MYPOP: variants seen among roughly 807,000 people sequenced by gnomAD.
The protein encoded by MYPOP is Myb related transcription factor, partner of profilin.
MYPOP carries 21 observed loss-of-function variants against 25.7 expected under a neutral mutation model. The ratio of observed to expected loss-of-function variants is 0.82; its 90% CI spans 0.58 to 1.18. The LOEUF (loss-of-function observed/expected upper bound fraction) is 1.18. MYPOP is among the 50% of genes most tolerant of loss of function. The pLI is 0.00. For synonymous variants in MYPOP, 280 were observed against 247.9 expected, an observed-to-expected ratio of 1.13 and a Z score of -1.22; for missense variants, 566 against 588.3, an observed-to-expected ratio of 0.96 and a Z score of 0.39.
At position 45,901,825 on chromosome 19, in the gene MYPOP, G is replaced by T; in HGVS notation, c.-52C>A. ...CGTCTGGCGCATGGGGGGCGCCGGC[G>T]CTGCGGGCAAAGGGCGCACGGGGCT... On this transcript the variant is annotated splice_region_variant and 5_prime_UTR_variant, in exon 2 of 3. Transcript: ENST00000322217. The surrounding 1 kb of genome is among the most constrained non-coding windows in gnomAD (Gnocchi z 5.7). 7.5e-7 allele frequency: 1 copy of T among 1,330,238 alleles called. No individual in the cohort carries two copies. The highest frequency in any genetic ancestry group is 9.6e-7 in the Non-Finnish European group (1 of 1,039,990). The allele number at this position is 1,330,238 out of a possible 1,614,324, so 82.4% of individuals were successfully genotyped here.
At chr19:45,896,304 A>G (rs1272422401) in intron 2 of MYPOP, among the ~76,000 whole-genome samples, 1 of 152,140 alleles carries the variant, frequency 6.6e-6, no homozygotes, top group African/African-American at 2.4e-5. Flanking sequence ...CAAACAAGCA[A>G]GCAAACAAAT....
chr19:45,890,578 C>G lies in MYPOP; in HGVS notation c.*45G>C. 6.2e-7 allele frequency: 1 copy of G among 1,601,902 alleles called. No individual in the cohort carries two copies. Among genetic ancestry groups the G allele is most frequent in the Non-Finnish European group, 8.5e-7 (1 of 1,173,170 alleles). ...AGAGCATCGCCCCCCTCGACTGCGC[C>G]AAGCTGGGGAGAGGGGTTGCAGGCA... On this transcript the variant is annotated 3_prime_UTR_variant, in exon 3 of 3. Transcript: ENST00000322217.
At chr19:45,899,357 T>C (rs745984221) in intron 2 of MYPOP, among the ~76,000 whole-genome samples, 4 of 152,182 alleles carry the variant, frequency 2.6e-5, no homozygotes, top group Non-Finnish European at 4.4e-5. Flanking sequence ...TCAATATATA[T>C]TTGCTAAACG....
At chr19:45,900,116 A>G (rs11672020) in intron 2 of MYPOP, among the ~76,000 whole-genome samples, 48,370 of 151,986 alleles carry the variant, frequency 0.32, 9,012 homozygotes, top group Non-Finnish European at 0.4. Context: ...TTGTTTGATC[A>G]TGCCCATGTT....
At position 45,890,723 on chromosome 19, in the gene MYPOP, C is replaced by CGGGGGGGGGGGGGGCG; in HGVS notation, c.1099_1100insCGCCCCCCCCCCCCCC (p.Arg367ProfsTer88). The CGGGGGGGGGGGGGGCG allele has an allele frequency of 8.4e-7, 1 of 1,193,554 alleles. No homozygotes were observed. Among genetic ancestry groups the CGGGGGGGGGGGGGGCG allele is most frequent in the African/African-American group, 1.6e-5 (1 of 63,528 alleles). 73.9% of individuals were successfully genotyped at this position (1,193,554 alleles called of 1,614,324 possible). On this transcript the variant is annotated frameshift_variant, in exon 3 of 3. Transcript: ENST00000322217. LOFTEE classifies it high-confidence loss of function. Reference sequence around the variant, plus strand: ...CGGAGGGAGCGGGGCTGGGGGGGGCCGGGGTGCCCCCTCCTCGCTCCTTGG... The same window carrying CGGGGGGGGGGGGGGCG: ...CGGAGGGAGCGGGGCTGGGGGGGGCCGGGGGGGGGGGGGGCGGGGGTGCCCCCTCCTCGCTCCTTGG...
chr19:45,891,110 G>C lies in MYPOP; in HGVS notation c.713C>G (p.Pro238Arg). Residue 238 changes from proline to arginine, a missense_variant, in exon 3 of 3, where the codon CCC (proline) becomes CGC (arginine). Pro to Arg is a moderately radical substitution (Grantham distance 103, BLOSUM62 -2). Coordinates refer to ENST00000322217, the MANE Select transcript of MYPOP (RefSeq NM_001012643.4). ...AGGGGGTGGGGGGCTAGGGGGTGAG[G>C]GTGCCACTTGGGCCAGTGGCGGTGG... ...PPPPPLAQVAPSPPSPPPPPR... is the reference protein window; with the variant it reads ...PPPPPLAQVARSPPSPPPPPR... 1 of 1,447,594 alleles carries C rather than the reference G, an allele frequency of 6.9e-7. No homozygotes were observed. Among genetic ancestry groups the C allele is most frequent in the Non-Finnish European group, 9.2e-7 (1 of 1,091,198 alleles). The allele number at this position is 1,447,594 out of a possible 1,614,324, so 89.7% of individuals were successfully genotyped here. A position where few individuals can be genotyped will look rare whatever the true frequency, so the allele number is the denominator to read the frequency against.
In MYPOP at chr19:45,891,315, C is replaced by T. The variant is rs768754176; in HGVS notation, c.508G>A (p.Ala170Thr). 7.9e-6 allele frequency: 12 copies of T among 1,515,414 alleles called. No homozygotes were observed. In the South Asian group the frequency reaches 1.3e-4, roughly 16 times the overall value. The allele number at this position is 1,515,414 out of a possible 1,614,324, so 93.9% of individuals were successfully genotyped here. Residue 170 changes from alanine to threonine, a missense_variant, in exon 3 of 3, where the codon GCC (alanine) becomes ACC (threonine). Coordinates refer to ENST00000322217, the MANE Select transcript of MYPOP (RefSeq NM_001012643.4). The stretch of plus-strand genomic sequence containing the variant: ...CTGCTGGAGCCCGCCTTGCTGTGGG[C>T]TGATGTATCTGTAGAGAGAGAAATA... Reference protein sequence around the residue: ...RREDRRADTSAHSKAGSSSPE... With the variant: ...RREDRRADTSTHSKAGSSSPE...
At chr19:45,895,712 C>A (rs1967193786) in intron 2 of MYPOP, among the ~76,000 whole-genome samples, 1 of 152,138 alleles carries the variant, frequency 6.6e-6, no homozygotes, top group African/African-American at 2.4e-5. Context: ...CTGATTGGGT[C>A]CCAGGCCCCA....
chr19:45,890,712 C>CGGGGGG lies in MYPOP; in HGVS notation c.1110_1111insCCCCCC (p.Pro369_Pro370dup). 6 of 413,584 alleles carry CGGGGGG rather than the reference C, an allele frequency of 1.5e-5. No individual in the cohort carries two copies. The highest frequency in any genetic ancestry group is 2.2e-5 in the Non-Finnish European group (5 of 228,686). 25.6% of individuals were successfully genotyped at this position (413,584 alleles called of 1,614,324 possible). On this transcript the variant is annotated inframe_insertion, in exon 3 of 3. Transcript: ENST00000322217. ...GGGGAGTCGTGCGGAGGGAGCGGGGCTGGGGGGGGCCGGGGTGCCCCCTCC... is the reference window on the plus strand; with the variant it reads ...GGGGAGTCGTGCGGAGGGAGCGGGGCGGGGGGTGGGGGGGGCCGGGGTGCCCCCTCC...
At chr19:45,896,194 G>A (rs934585954) in intron 2 of MYPOP, among the ~76,000 whole-genome samples, 2 of 152,166 alleles carry the variant, frequency 1.3e-5, no homozygotes, top group South Asian at 2.1e-4. Flanking sequence ...GGGAGGCTGA[G>A]GCACAAGAAT....
rs1201092999 is a variant in MYPOP, at chr19:45,891,020, T to G, written c.803A>C (p.Glu268Ala). 1 of 1,524,032 alleles carries G rather than the reference T, an allele frequency of 6.6e-7. No individual in the cohort carries two copies. Among genetic ancestry groups the G allele is most frequent in the Admixed American group, 2.0e-5 (1 of 49,498 alleles). 94.4% of individuals were successfully genotyped at this position (1,524,032 alleles called of 1,614,324 possible). ...CAGCTCCCGGATGGCGTTGGCAGTC[T>G]CCTGCTGGGCCCGCAGGAAGTCCAG... ...PSLDFLRAQQ[E>A]TANAIRELAG... Residue 268 changes from glutamate (E) to alanine (A), a missense_variant, in exon 3 of 3, where the codon GAG becomes GCG. Coordinates refer to ENST00000322217, the MANE Select transcript of MYPOP (RefSeq NM_001012643.4).
Position 45,901,718 on chromosome 19 carries a change from C to A in MYPOP, c.56G>T (p.Arg19Leu). ...AEETTRLRKP[R>L]FSFEENQILI... is the part of the protein sequence containing the mutation. ...GATCTGGTTCTCTTCGAATGAGAAG[C>A]GCGGCTTGCGCAACCGGGTGGTTTC... Residue 19 changes from arginine to leucine, a missense_variant, in exon 2 of 3, where the codon CGC (arginine) becomes CTC (leucine). Arg to Leu is a moderately radical substitution (Grantham distance 102). Transcript: ENST00000322217. The surrounding 1 kb of genome is among the most constrained non-coding windows in gnomAD (Gnocchi z 5.7). 2 of 1,569,738 alleles carry A rather than the reference C, an allele frequency of 1.3e-6. No individual in the cohort carries two copies. The highest frequency in any genetic ancestry group is 1.7e-6 in the Non-Finnish European group (2 of 1,161,414).
intron 2 of MYPOP, among the ~76,000 whole-genome samples, chr19:45,891,957 T>C (rs894094856): frequency 2.0e-5 from 3 of 152,124 alleles, no homozygotes; most frequent in African/African-American, 7.2e-5. Flanking sequence ...TCTCACTTTG[T>C]AGCCTAGGCT....
At chr19:45,897,582 G>T (rs1435023053) in intron 2 of MYPOP, among the ~76,000 whole-genome samples, 3 of 152,184 alleles carry the variant, frequency 2.0e-5, no homozygotes, top group South Asian at 2.1e-4. Flanking sequence ...TTGAGGAAGG[G>T]TCTCACTGTG....
Position 45,890,912 on chromosome 19 carries a change from T to C in MYPOP, c.911A>G (p.Asp304Gly), listed in dbSNP as rs1488687535. The stretch of plus-strand genomic sequence containing the variant: ...TGGGGGCAGAGGTGGAGGCAGGGAG[T>C]CAACTGGGGTTCCTGGCAGAAGGGG... ...LLPLLPGTPVDSLPPPLPPPP... is the reference protein window; with the variant it reads ...LLPLLPGTPVGSLPPPLPPPP... Residue 304 changes from aspartate (D) to glycine (G), a missense_variant, in exon 3 of 3, where the codon GAC (aspartate) becomes GGC (glycine). Physicochemically the swap from Asp to Gly is moderately conservative, Grantham distance 94. Coordinates refer to ENST00000322217, the MANE Select transcript of MYPOP (RefSeq NM_001012643.4). 1.7e-5 allele frequency: 24 copies of C among 1,417,198 alleles called. No homozygotes were observed. The highest frequency in any genetic ancestry group is 2.1e-5 in the Non-Finnish European group (23 of 1,088,446). 87.8% of individuals were successfully genotyped at this position (1,417,198 alleles called of 1,614,324 possible). A position where few individuals can be genotyped will look rare whatever the true frequency, so the allele number is the denominator to read the frequency against.
chr19:45,896,766 C>T (rs1458439592), intron 2 of MYPOP, among the ~76,000 whole-genome samples: 1 of 151,194 alleles, frequency 6.6e-6, no homozygotes, highest in African/African-American at 2.4e-5. Context: ...GCTGGGACTA[C>T]AGGCGCCCGC....
chr19:45,890,354 G>A lies in MYPOP; in HGVS notation c.*269C>T, dbSNP rs757191118. 2.7e-5 allele frequency: 11 copies of A among 408,832 alleles called. No individual in the cohort carries two copies. Among genetic ancestry groups the A allele is most frequent in the Non-Finnish European group, 4.8e-5 (11 of 230,854 alleles). The allele number at this position is 408,832 out of a possible 1,614,324, so 25.3% of individuals were successfully genotyped here. A position where few individuals can be genotyped will look rare whatever the true frequency, so the allele number is the denominator to read the frequency against. ...AGGTTCCCTCCCCACCCCACATAGG[G>A]CAATAATAAATAACATGAAATTGAT... On this transcript the variant is annotated 3_prime_UTR_variant, in exon 3 of 3. Transcript: ENST00000322217.
At chr19:45,893,563 C>T (rs1279915322) in intron 2 of MYPOP, among the ~76,000 whole-genome samples, 5 of 110,524 alleles carry the variant, frequency 4.5e-5, no homozygotes, top group East Asian at 2.4e-4. Flanking sequence ...AGCGAAACTC[C>T]GTCTCAAAAA....
rs1296737031 is a variant in MYPOP at position 45,890,567 on chromosome 19, C to G, written c.*56G>C. On this transcript the variant is annotated 3_prime_UTR_variant, in exon 3 of 3. Transcript: ENST00000322217. Reference sequence around the variant, plus strand: ...GGGATGGGCAGAGAGCATCGCCCCCCTCGACTGCGCCAAGCTGGGGAGAGG... The same window carrying G: ...GGGATGGGCAGAGAGCATCGCCCCCGTCGACTGCGCCAAGCTGGGGAGAGG... 4 of 1,592,216 alleles carry G rather than the reference C, an allele frequency of 2.5e-6. No homozygotes were observed. Among genetic ancestry groups the G allele is most frequent in the Non-Finnish European group, 3.4e-6 (4 of 1,167,992 alleles).
Sources: allele counts gnomAD v4.1 joint callset (sites outside exome capture counted in the v4.1 genomes callset), GRCh38; gene constraint gnomAD v4.1.1; non-coding constraint Gnocchi (gnomAD v3.1); transcripts MANE v1.5; gene names NCBI Gene and HGNC (gene_info 2026-07-23, HGNC 2026-07-21).